VEPH1: variants seen among roughly 807,000 people sequenced by gnomAD.
VEPH1 encodes the protein ventricular zone expressed PH domain containing 1.
In VEPH1, 80 loss-of-function variants were observed where a neutral mutation model predicts 85.2. The ratio of observed to expected loss-of-function variants is 0.94; its 90% CI spans 0.78 to 1.13. The LOEUF (loss-of-function observed/expected upper bound fraction) is 1.13, where lower values mean the gene tolerates loss of function less well. VEPH1 is among the 50% of genes most tolerant of loss of function. The pLI, the probability that VEPH1 is intolerant of heterozygous loss-of-function variation, is 0.00. For synonymous variants in VEPH1, 297 were observed against 348.0 expected (o/e 0.85, Z 1.63); for missense variants, 955 against 980.5 (o/e 0.97, Z 0.35).
intron 4 of VEPH1, among the ~76,000 whole-genome samples, chr3:157,432,985 T>C (rs1324027181): frequency 6.6e-6 from 1 of 152,218 alleles, no homozygotes; most frequent in African/African-American, 2.4e-5. Flanking sequence ...ATAGCTATTT[T>C]TGCTACTGTA....
chr3:157,339,902 C>G (rs1180018445), intron 9 of VEPH1, among the ~76,000 whole-genome samples: 1 of 152,196 alleles, frequency 6.6e-6, no homozygotes, highest in Non-Finnish European at 1.5e-5. Flanking sequence ...CTGCATGAAA[C>G]TTGCCCACAA....
chr3:157,406,043 G>T (rs1376280409), intron 6 of VEPH1, among the ~76,000 whole-genome samples: 3 of 152,028 alleles, frequency 2.0e-5, no homozygotes, highest in African/African-American at 7.3e-5. Flanking sequence ...TTTGTAAGAG[G>T]TTTATTACTA....
At chr3:157,495,898 G>C (rs1192849960) in intron 1 of VEPH1, among the ~76,000 whole-genome samples, 4 of 152,152 alleles carry the variant, frequency 2.6e-5, no homozygotes, top group Non-Finnish European at 5.9e-5. Context: ...GGGAGCATAG[G>C]AAACATCTCC....
intron 12 of VEPH1, chr3:157,284,991 G>A (rs1354006270): frequency 6.6e-6 from 1 of 152,114 alleles, no homozygotes; most frequent in African/African-American, 2.4e-5. Flanking sequence ...CTTTTCTGAG[G>A]CCTCCCTTGG....
intron 6 of VEPH1, among the ~76,000 whole-genome samples, chr3:157,409,190 G>A (rs779845914): frequency 3.9e-5 from 6 of 152,064 alleles, no homozygotes; most frequent in Non-Finnish European, 7.4e-5. Context: ...CTACTAAGAA[G>A]TCATTTCTGC....
chr3:157,441,303 G>T (rs1444417650), intron 4 of VEPH1, among the ~76,000 whole-genome samples: 1 of 152,112 alleles, frequency 6.6e-6, no homozygotes, highest in East Asian at 1.9e-4. Flanking sequence ...TTTTACCTAA[G>T]TTTTCTCATC....
chr3:157,462,127 AAAG>A (rs1409681421), intron 3 of VEPH1, among the ~76,000 whole-genome samples: 1 of 149,586 alleles, frequency 6.7e-6, no homozygotes, highest in Non-Finnish European at 1.5e-5. Flanking sequence ...TCCATAAGAA[AAAG>A]AAGATGCAAT....
At chr3:157,335,578 A>G (rs1252385426) in intron 9 of VEPH1, among the ~76,000 whole-genome samples, 1 of 152,230 alleles carries the variant, frequency 6.6e-6, no homozygotes, top group East Asian at 1.9e-4. Context: ...TAGTGGTAGT[A>G]AAAACCCAAG....
chr3:157,487,242 G>A (rs73013625), intron 2 of VEPH1, among the ~76,000 whole-genome samples: 4,527 of 151,998 alleles, frequency 0.03, 166 homozygotes, highest in African/African-American at 0.078. Flanking sequence ...AAAGTAGAAG[G>A]CAAAGCTTTG....
At chr3:157,414,128 GAAGA>G in intron 5 of VEPH1, 38 bp from the exon 6 acceptor site, 16 of 1,473,632 alleles carry the variant, frequency 1.1e-5, no homozygotes, top group Non-Finnish European at 1.4e-5. Flanking sequence ...AAGAAAGAAG[GAAGA>G]AAGAGAAAAG....
intron 4 of VEPH1, among the ~76,000 whole-genome samples, chr3:157,454,190 A>T (rs1560074757): frequency 2.0e-5 from 3 of 152,204 alleles, no homozygotes; most frequent in Non-Finnish European, 4.4e-5. Context: ...GTTGAAAAAA[A>T]CATAATTGCT....
chr3:157,261,352 A>T lies in VEPH1; in HGVS notation c.2284T>A (p.Cys762Ser). ...KGKSKDDPDD[C>S]PIELSKVQSV... ...TGTACTTTGCTGAGTTCTATTGGGC[A>T]GTCGTCAGGGTCATCTTTCTGAAAG... Residue 762 changes from cysteine to serine, a missense_variant, in exon 14 of 14, where the codon TGC becomes AGC. Cys to Ser is a moderately radical substitution (Grantham distance 112). Coordinates refer to ENST00000362010, the MANE Select transcript of VEPH1 (RefSeq NM_001167912.2). 1 of 1,613,568 alleles carries T rather than the reference A, an allele frequency of 6.2e-7. No individual in the cohort carries two copies. The highest frequency in any genetic ancestry group is 1.1e-5 in the South Asian group (1 of 91,046).
intron 13 of VEPH1, among the ~76,000 whole-genome samples, chr3:157,264,930 C>T (rs988613692): frequency 2.6e-5 from 4 of 152,034 alleles, no homozygotes; most frequent in African/African-American, 9.7e-5. Flanking sequence ...TCAGAGGTTT[C>T]CCACTGAAAA....
chr3:157,291,917 T>C (rs1362009442), intron 11 of VEPH1, among the ~76,000 whole-genome samples: 2 of 152,232 alleles, frequency 1.3e-5, no homozygotes, highest in Non-Finnish European at 2.9e-5. Flanking sequence ...CCAGACTACA[T>C]TTGTTAAAAA....
At chr3:157,338,079 G>C (rs931520863) in intron 9 of VEPH1, among the ~76,000 whole-genome samples, 1 of 152,046 alleles carries the variant, frequency 6.6e-6, no homozygotes, top group Non-Finnish European at 1.5e-5. Context: ...GACAAGTTAC[G>C]TATCATCCTT....
chr3:157,291,704 G>A (rs1368489818), intron 11 of VEPH1, among the ~76,000 whole-genome samples: 1 of 152,204 alleles, frequency 6.6e-6, no homozygotes, highest in African/African-American at 2.4e-5. Context: ...CTGGATTAAA[G>A]CTCTTACCAT....
At chr3:157,274,865 G>T (rs28671546) in intron 12 of VEPH1, among the ~76,000 whole-genome samples, 8,003 of 152,168 alleles carry the variant, frequency 0.053, 260 homozygotes, top group South Asian at 0.086. Context: ...ACAGTAAACT[G>T]CCATTTACAA....
chr3:157,472,822 C>T (rs1737089076), intron 2 of VEPH1, among the ~76,000 whole-genome samples: 1 of 152,136 alleles, frequency 6.6e-6, no homozygotes, highest in Non-Finnish European at 1.5e-5. Flanking sequence ...CCTCCAACTC[C>T]ATGTTCCTAC....
intron 6 of VEPH1, among the ~76,000 whole-genome samples, chr3:157,398,636 G>GA (rs35264447): frequency 0.084 from 12,073 of 144,308 alleles, 717 homozygotes; most frequent in African/African-American, 0.16. Flanking sequence ...CTGTCTCAAA[G>GA]AAAAAAAAAA....
Sources: allele counts gnomAD v4.1 joint callset (sites outside exome capture counted in the v4.1 genomes callset), GRCh38; gene constraint gnomAD v4.1.1; transcripts MANE v1.5; gene names NCBI Gene and HGNC (gene_info 2026-07-23, HGNC 2026-07-21).